The following GRM4 variants were observed in gnomAD, a reference collection of about 807,000 sequenced individuals.
GRM4 encodes the protein glutamate metabotropic receptor 4.
GRM4 carries 28 observed loss-of-function variants against 81.7 expected under a neutral mutation model. The observed-to-expected ratio is 0.34, with a 90% confidence interval of 0.25 to 0.47. GRM4 has a LOEUF of 0.47. Ranked by LOEUF, GRM4 falls within the 20% of genes least tolerant of loss-of-function variation. The pLI, the probability that GRM4 is intolerant of heterozygous loss-of-function variation, is 1.00. For synonymous variants in GRM4, 488 were observed against 528.8 expected, an observed-to-expected ratio of 0.92 and a Z score of 1.06; for missense variants, 948 against 1,290.0, an observed-to-expected ratio of 0.73 and a Z score of 4.06.
intron 2 of GRM4, among the ~76,000 whole-genome samples, chr6:34,128,247 C>T (rs1338022507): frequency 6.6e-6 from 1 of 152,254 alleles, no homozygotes; most frequent in Non-Finnish European, 1.5e-5. Flanking sequence ...CCATCCTCTT[C>T]CGCATCGCCG....
chr6:34,118,047 A>G (rs1769665550), intron 2 of GRM4, among the ~76,000 whole-genome samples: 1 of 152,256 alleles, frequency 6.6e-6, no homozygotes, highest in Non-Finnish European at 1.5e-5. Context: ...CTACAGAACC[A>G]TATAGATGCT....
chr6:34,111,591 C>A lies in GRM4; in HGVS notation c.520-19492G>T, dbSNP rs1370760611. On this transcript the variant is annotated intron_variant, in intron 2 of 10. Coordinates refer to ENST00000538487, the MANE Select transcript of GRM4 (RefSeq NM_000841.4). The surrounding 1 kb of genome is among the most constrained non-coding windows in gnomAD (Gnocchi z 5.1). ...AGAGTGCTGTCCCCCATCCACACCC[C>A]GGCAGGGGACAGCTTTCTGCAGGGC... Among the ~76,000 whole-genome samples, 1 of 152,200 alleles carries A rather than the reference C, an allele frequency of 6.6e-6. No homozygotes were observed. Among genetic ancestry groups the A allele is most frequent in the Non-Finnish European group, 1.5e-5 (1 of 68,030 alleles).
chr6:34,131,214 C>T lies in GRM4; in HGVS notation c.519+1764G>A, dbSNP rs575510460. On this transcript the variant is annotated intron_variant, in intron 2 of 10. Coordinates refer to ENST00000538487, the MANE Select transcript of GRM4 (RefSeq NM_000841.4). ...AAAGAACTGCAAAAGATGATCACAG[C>T]GACACAGCCCCCGGGGATTGTTCCA... Among the ~76,000 whole-genome samples, 9 of 152,328 alleles carry T rather than the reference C, an allele frequency of 5.9e-5. 1 individual carries two copies. The highest frequency in any genetic ancestry group is 1.2e-4 in the African/African-American group (5 of 41,572).
intron 2 of GRM4, among the ~76,000 whole-genome samples, chr6:34,117,600 C>T (rs941590125): frequency 5.3e-5 from 8 of 152,194 alleles, no homozygotes; most frequent in Admixed American, 1.3e-4. Flanking sequence ...GCCATAGTCC[C>T]TGGCTCCCAT....
At chr6:34,049,436 T>C (rs1765507089) in intron 6 of GRM4, among the ~76,000 whole-genome samples, 1 of 151,914 alleles carries the variant, frequency 6.6e-6, no homozygotes. Context: ...CACTCCAGCA[T>C]CCAGGGCTCA....
intron 6 of GRM4, among the ~76,000 whole-genome samples, chr6:34,045,487 C>A (rs530972491): frequency 1.1e-3 from 161 of 152,330 alleles, no homozygotes; most frequent in Non-Finnish European, 2.1e-3. Flanking sequence ...GTAGATGGAG[C>A]TAGCTCGGAA....
chr6:34,040,527 C>T, intron 7 of GRM4, 21 bp downstream of exon 7: 1 of 1,602,170 alleles, frequency 6.2e-7, no homozygotes, highest in East Asian at 2.3e-5. Flanking sequence ...GGGTCAGGCA[C>T]AGTCCGCACC....
rs1763848375 is a variant in GRM4 at position 34,020,891 on chromosome 6, C to T, written c.*1930G>A. Reference sequence around the variant, plus strand: ...ACTCTCATACTCTGTCCCTGCGTGGCCCCCTGCCTAGGGTTCCTCCAGTCC... The same window carrying T: ...ACTCTCATACTCTGTCCCTGCGTGGTCCCCTGCCTAGGGTTCCTCCAGTCC... On this transcript the variant is annotated 3_prime_UTR_variant, in exon 11 of 11. Coordinates refer to ENST00000538487, the MANE Select transcript of GRM4 (RefSeq NM_000841.4). 6.6e-6 allele frequency: 1 copy of T among 152,332 alleles called. No individual in the cohort carries two copies. The highest frequency in any genetic ancestry group is 2.4e-5 in the African/African-American group (1 of 41,446). The allele number at this position is 152,332 out of a possible 1,614,324, so 9.4% of individuals were successfully genotyped here.
intron 8 of GRM4, among the ~76,000 whole-genome samples, chr6:34,039,823 T>G (rs1052459553): frequency 4.8e-5 from 3 of 62,708 alleles, no homozygotes; most frequent in Non-Finnish European, 1.1e-4. Context: ...GCCCCCCCCA[T>G]CACCCCCCAC....
At chr6:34,028,407 G>A (rs760325853) in intron 9 of GRM4, 41 bp from the exon 10 acceptor site, 129 of 1,582,032 alleles carry the variant, frequency 8.2e-5, no homozygotes, top group Non-Finnish European at 1.0e-4. Flanking sequence ...GCTCTGCCCC[G>A]ACTGAGGGCC....
At position 34,022,690 on chromosome 6, in the gene GRM4, C is replaced by A; in HGVS notation, c.*131G>T. 1.3e-6 allele frequency: 1 copy of A among 788,116 alleles called. No homozygotes were observed. Among genetic ancestry groups the A allele is most frequent in the South Asian group, 1.5e-5 (1 of 65,382 alleles). 48.8% of individuals were successfully genotyped at this position (788,116 alleles called of 1,614,324 possible). A position where few individuals can be genotyped will look rare whatever the true frequency, so the allele number is the denominator to read the frequency against. ...AGTGATGGCTGGGGGCTCTGCTATC[C>A]TCAGCACCAAGCCACGTCCGTGGGT... On this transcript the variant is annotated 3_prime_UTR_variant, in exon 11 of 11. Transcript: ENST00000538487. This position sits in a 1 kb window ranked among gnomAD's most constrained non-coding sequence, Gnocchi z 5.6.
upstream of GRM4, among the ~76,000 whole-genome samples, chr6:34,150,909 G>C (rs576091343): frequency 2.6e-5 from 4 of 152,206 alleles, no homozygotes; most frequent in Non-Finnish European, 5.9e-5. Flanking sequence ...TCTCAGAGCA[G>C]GGCAGCAAGT....
chr6:34,142,418 G>T (rs112831853), intron 1 of GRM4, among the ~76,000 whole-genome samples: 105 of 152,212 alleles, frequency 6.9e-4, no homozygotes, highest in African/African-American at 2.3e-3. Flanking sequence ...CAGATATCTT[G>T]GGGTGGGTGG....
At position 34,059,503 on chromosome 6, in the gene GRM4, T is replaced by A. The variant is rs1766076232; in HGVS notation, c.873-375A>T. Reference sequence around the variant, plus strand: ...CCCAGCCCCGGTCCCCTGAGACGCATGCCTTCCTGGCTCATCCACCCCCAC... The same window carrying A: ...CCCAGCCCCGGTCCCCTGAGACGCAAGCCTTCCTGGCTCATCCACCCCCAC... On this transcript the variant is annotated intron_variant, in intron 4 of 10. Coordinates refer to ENST00000538487, the MANE Select transcript of GRM4 (RefSeq NM_000841.4). This position sits in a 1 kb window ranked among gnomAD's most constrained non-coding sequence, Gnocchi z 5.7. 3.6e-6 allele frequency: 1 copy of A among 278,490 alleles called. No individual in the cohort carries two copies. The highest frequency in any genetic ancestry group is 4.7e-5 in the Admixed American group (1 of 21,128). The allele number at this position is 278,490 out of a possible 1,614,324, so 17.3% of individuals were successfully genotyped here.
Position 34,114,908 on chromosome 6 carries a change from G to C in GRM4, c.519+18070C>G, listed in dbSNP as rs1769528211. ...CTCCAGTATCTTGCACAAACTTGGAGCTCCATACATGTTTGCTGAATCAAA... is the reference window on the plus strand; with the variant it reads ...CTCCAGTATCTTGCACAAACTTGGACCTCCATACATGTTTGCTGAATCAAA... On this transcript the variant is annotated intron_variant, in intron 2 of 10. Transcript: ENST00000538487. The surrounding 1 kb of genome is among the most constrained non-coding windows in gnomAD (Gnocchi z 4.3). Among the ~76,000 whole-genome samples, 1 of 152,164 alleles carries C rather than the reference G, an allele frequency of 6.6e-6. No individual in the cohort carries two copies. The highest frequency in any genetic ancestry group is 1.5e-5 in the Non-Finnish European group (1 of 68,044).
intron 2 of GRM4, among the ~76,000 whole-genome samples, chr6:34,108,000 A>C (rs2171850): frequency 0.02 from 3,023 of 152,286 alleles, 51 homozygotes; most frequent in Middle Eastern, 0.065. Context: ...AGGACAGCTG[A>C]GTGGTTCCCC....
chr6:34,133,945 A>T lies in GRM4; in HGVS notation c.-363-86T>A, dbSNP rs1034445004. ...TCTCATCTCTCATCAGGAGCCTGAG[A>T]GAAGGAGATGCTAGAGGTTATCGCC... On this transcript the variant is annotated intron_variant, in intron 1 of 10. Coordinates refer to ENST00000538487, the MANE Select transcript of GRM4 (RefSeq NM_000841.4). The surrounding 1 kb of genome is among the most constrained non-coding windows in gnomAD (Gnocchi z 6.5). 1.1e-5 allele frequency: 6 copies of T among 546,902 alleles called. No individual in the cohort carries two copies. The African/African-American group carries it at 1.2e-4, about 11-fold the overall frequency. The allele number at this position is 546,902 out of a possible 1,614,324, so 33.9% of individuals were successfully genotyped here.
intron 2 of GRM4, among the ~76,000 whole-genome samples, chr6:34,104,599 C>G (rs1210292046): frequency 1.3e-5 from 2 of 152,172 alleles, no homozygotes; most frequent in East Asian, 3.8e-4. Context: ...CCTAAGCACT[C>G]TCACCCCCTG....
At chr6:34,093,336 G>C (rs1052138470) in intron 2 of GRM4, among the ~76,000 whole-genome samples, 3 of 152,246 alleles carry the variant, frequency 2.0e-5, no homozygotes, top group African/African-American at 7.2e-5. Context: ...GGACAGGGCA[G>C]AGGTTCTGCC....
Sources: allele counts gnomAD v4.1 joint callset (sites outside exome capture counted in the v4.1 genomes callset), GRCh38; gene constraint gnomAD v4.1.1; non-coding constraint Gnocchi (gnomAD v3.1); transcripts MANE v1.5; gene names NCBI Gene and HGNC (gene_info 2026-07-23, HGNC 2026-07-21).